The following ADARB1 variants were observed in gnomAD, a reference collection of about 807,000 sequenced individuals.
ADARB1 encodes double-stranded RNA-specific editase 1.
Under a neutral mutation model 52.4 loss-of-function variants are expected in ADARB1, and 10 were observed. The observed-to-expected ratio is 0.19, with a 90% CI of 0.12 to 0.32. The LOEUF (loss-of-function observed/expected upper bound fraction) is 0.32, where lower values mean the gene tolerates loss of function less well. ADARB1 is among the 10% of genes least tolerant of loss of function. The pLI is 1.00. For synonymous variants in ADARB1, 349 were observed against 371.1 expected (o/e 0.94, Z 0.68); for missense variants, 643 against 922.3 (o/e 0.70, Z 3.92).
In ADARB1 at chr21:45,204,837, A is replaced by G. The variant is rs752984095; in HGVS notation, c.1747+101A>G. 7.0e-6 allele frequency: 9 copies of G among 1,283,052 alleles called. No individual in the cohort carries two copies. The highest frequency in any genetic ancestry group is 9.6e-6 in the Non-Finnish European group (9 of 938,806). The allele number at this position is 1,283,052 out of a possible 1,614,324, so 79.5% of individuals were successfully genotyped here. A position where few individuals can be genotyped will look rare whatever the true frequency, so the allele number is the denominator to read the frequency against. ...ACACCACCTGAGCTGCTCTGTGGCT[A>G]TCAAAAGAACATCAGAGTCCTTCTA... On this transcript the variant is annotated intron_variant, in intron 9 of 10. Transcript: ENST00000348831. The surrounding 1 kb of genome is among the most constrained non-coding windows in gnomAD (Gnocchi z 4.4).
At chr21:45,110,721 T>G (rs1429713993) in intron 1 of ADARB1, among the ~76,000 whole-genome samples, 2 of 152,208 alleles carry the variant, frequency 1.3e-5, no homozygotes, top group African/African-American at 2.4e-5. Flanking sequence ...TTATTTTGAT[T>G]GGGTAATTAG....
chr21:45,196,076 A>G (rs2092418136), intron 8 of ADARB1, among the ~76,000 whole-genome samples: 1 of 152,168 alleles, frequency 6.6e-6, no homozygotes, highest in South Asian at 2.1e-4. Flanking sequence ...TTGGAATTTT[A>G]TAGTTTTACT....
chr21:45,143,934 T>A (rs535841616), intron 2 of ADARB1, among the ~76,000 whole-genome samples: 3 of 152,108 alleles, frequency 2.0e-5, no homozygotes, highest in African/African-American at 7.2e-5. Context: ...ACCCCCATTG[T>A]CCCCATTGTC....
chr21:45,203,969 T>A (rs188315174), intron 8 of ADARB1, among the ~76,000 whole-genome samples: 2 of 152,316 alleles, frequency 1.3e-5, no homozygotes, highest in Non-Finnish European at 2.9e-5. Context: ...CAGTCACTAA[T>A]AATAAAATAA....
Position 45,185,315 on chromosome 21 carries a change from C to T in ADARB1, c.1565+224C>T, listed in dbSNP as rs369469385. On this transcript the variant is annotated intron_variant, in intron 8 of 10. Transcript: ENST00000348831. ...CAGGAGGCTCCACGCTTCTAACATTCCTATCCAAGCGTCTCAGAGTTTACC... is the reference window on the plus strand; with the variant it reads ...CAGGAGGCTCCACGCTTCTAACATTTCTATCCAAGCGTCTCAGAGTTTACC... Among the ~76,000 whole-genome samples, 124 of 152,344 alleles carry T rather than the reference C, an allele frequency of 8.1e-4. 1 individual carries two copies. The highest frequency in any genetic ancestry group is 2.7e-3 in the African/African-American group (114 of 41,584).
rs530335737 is a variant in ADARB1 at position 45,226,462 on chromosome 21, C to T, written c.*4265C>T. 3 of 152,786 alleles carry T rather than the reference C, an allele frequency of 2.0e-5. No homozygotes were observed. Among genetic ancestry groups the T allele is most frequent in the Non-Finnish European group, 4.4e-5 (3 of 68,050 alleles). 9.5% of individuals were successfully genotyped at this position (152,786 alleles called of 1,614,324 possible). A position where few individuals can be genotyped will look rare whatever the true frequency, so the allele number is the denominator to read the frequency against. On this transcript the variant is annotated 3_prime_UTR_variant, in exon 11 of 11. Transcript: ENST00000348831. Reference sequence around the variant, plus strand: ...ACACCACACGTTACAACTGCATGAGCTTCCTCTCGCACAAGACCAGCTGGA... The same window carrying T: ...ACACCACACGTTACAACTGCATGAGTTTCCTCTCGCACAAGACCAGCTGGA...
At chr21:45,135,438 T>C (rs2089304327) in intron 2 of ADARB1, among the ~76,000 whole-genome samples, 1 of 152,248 alleles carries the variant, frequency 6.6e-6, no homozygotes. Flanking sequence ...AATATCTCCT[T>C]CCAGGGAATC....
chr21:45,155,681 CATCT>C (rs1420806542), intron 2 of ADARB1, among the ~76,000 whole-genome samples: 3 of 151,440 alleles, frequency 2.0e-5, no homozygotes, highest in Admixed American at 6.6e-5. Context: ...TCTAGTCATC[CATCT>C]ATCTGCGCAT....
At chr21:45,143,965 A>T (rs866043994) in intron 2 of ADARB1, among the ~76,000 whole-genome samples, 2 of 151,738 alleles carry the variant, frequency 1.3e-5, no homozygotes, top group African/African-American at 4.8e-5. Context: ...TTTTTTCCTT[A>T]TTAGAACATA....
intron 1 of ADARB1, among the ~76,000 whole-genome samples, chr21:45,090,755 T>C (rs1286727420): frequency 6.6e-6 from 1 of 152,204 alleles, no homozygotes; most frequent in Admixed American, 6.5e-5. Flanking sequence ...TCCACCTTTG[T>C]TCTCACTTGG....
intron 1 of ADARB1, among the ~76,000 whole-genome samples, chr21:45,112,853 C>A (rs1229598948): frequency 6.6e-6 from 1 of 152,012 alleles, no homozygotes; most frequent in African/African-American, 2.4e-5. Context: ...GAGTTATGAT[C>A]TCAAAGATGG....
chr21:45,123,552 G>A (rs2088351189), intron 1 of ADARB1, among the ~76,000 whole-genome samples: 2 of 152,150 alleles, frequency 1.3e-5, no homozygotes, highest in African/African-American at 2.4e-5. Flanking sequence ...CGATCCTTCC[G>A]CCTCTGTCTC....
intron 1 of ADARB1, among the ~76,000 whole-genome samples, chr21:45,123,281 G>GTT (rs2088319154): frequency 6.6e-6 from 1 of 150,718 alleles, no homozygotes; most frequent in East Asian, 1.9e-4. Context: ...CTACGTGTGT[G>GTT]TGTGTGTGTG....
chr21:45,185,657 G>C (rs550846923), intron 8 of ADARB1, among the ~76,000 whole-genome samples: 10 of 152,168 alleles, frequency 6.6e-5, no homozygotes, highest in Non-Finnish European at 1.0e-4. Flanking sequence ...TCTTTCAGAG[G>C]CCTGTATCCA....
At chr21:45,114,685 C>A (rs761057583) in intron 1 of ADARB1, among the ~76,000 whole-genome samples, 4 of 152,250 alleles carry the variant, frequency 2.6e-5, no homozygotes, top group Non-Finnish European at 5.9e-5. Context: ...ACATTGTCAT[C>A]ATCACCTCCA....
intron 2 of ADARB1, among the ~76,000 whole-genome samples, chr21:45,165,081 A>AC (rs2091190518): frequency 6.6e-6 from 1 of 151,782 alleles, no homozygotes; most frequent in Admixed American, 6.6e-5. Flanking sequence ...CACCAGGCCC[A>AC]CCCCCGCCCA....
intron 8 of ADARB1, among the ~76,000 whole-genome samples, chr21:45,190,298 A>G (rs1444787426): frequency 6.6e-6 from 1 of 152,064 alleles, no homozygotes; most frequent in Admixed American, 6.6e-5. Context: ...TCATTTTTAT[A>G]CTAATATCTC....
At chr21:45,145,221 A>C (rs1011571737) in intron 2 of ADARB1, 1 of 152,312 alleles carries the variant, frequency 6.6e-6, no homozygotes, top group African/African-American at 2.4e-5. Context: ...CTGCCACTGA[A>C]AGGAGATTTT....
intron 1 of ADARB1, among the ~76,000 whole-genome samples, chr21:45,114,433 G>A (rs770402030): frequency 2.0e-5 from 3 of 152,174 alleles, no homozygotes; most frequent in East Asian, 1.9e-4. Context: ...AGGCCCATCC[G>A]TCATCCCGGG....
Sources: gnomAD v4.1 joint callset for allele counts (sites outside exome capture counted in the v4.1 genomes callset) on GRCh38, gnomAD v4.1.1 for gene constraint, Gnocchi (gnomAD v3.1) non-coding constraint, MANE v1.5 for transcripts, NCBI Gene and HGNC (gene_info 2026-07-23, HGNC 2026-07-21) for gene names.